LARGE1: variants seen among roughly 807,000 people sequenced by gnomAD.
LARGE1 encodes the protein LARGE xylosyl- and glucuronyltransferase 1.
LARGE1 carries 43 observed loss-of-function variants against 87.6 expected under a neutral mutation model. That is an observed-to-expected ratio of 0.49 (90% confidence interval 0.38 to 0.63). LARGE1 has a LOEUF of 0.63. Among genes scored for constraint, LARGE1 ranks in the 30% least tolerant of loss-of-function variants. The probability of loss-of-function intolerance (pLI) is 0.00; values close to 1 mark genes in which losing one functional copy is unlikely to be tolerated. For synonymous variants in LARGE1, 434 were observed against 394.6 expected (o/e 1.10, Z -1.18); for missense variants, 802 against 1,000.2 (o/e 0.80, Z 2.67).
At chr22:33,496,120 C>T (rs550955991) in intron 6 of LARGE1, among the ~76,000 whole-genome samples, 32 of 152,296 alleles carry the variant, frequency 2.1e-4, no homozygotes, top group African/African-American at 6.5e-4. Context: ...GGGCAGGAAG[C>T]ATCCAGCATA....
In LARGE1 at chr22:33,613,554, G is replaced by A. The variant is rs557599009; in HGVS notation, c.492-8996C>T. Among the ~76,000 whole-genome samples the A allele has an allele frequency of 2.0e-4, 30 of 152,186 alleles. No individual in the cohort carries two copies. The East Asian group carries it at 4.7e-3, about 24-fold the overall frequency. ...TTTGCCCAGGCTGGAGTGCAATGGC[G>A]CGATCTTGGCTCACCACAACCTCCG... On this transcript the variant is annotated intron_variant, in intron 4 of 14. Transcript: ENST00000397394.
intron 6 of LARGE1, among the ~76,000 whole-genome samples, chr22:33,438,956 A>T (rs773073957): frequency 5.9e-5 from 9 of 152,136 alleles, no homozygotes; most frequent in Non-Finnish European, 8.8e-5. Context: ...CACACCTGTA[A>T]TCCCAGCACT....
chr22:33,809,885 A>G (rs1271910851), intron 1 of LARGE1, among the ~76,000 whole-genome samples: 2 of 152,146 alleles, frequency 1.3e-5, no homozygotes, highest in Non-Finnish European at 2.9e-5. Flanking sequence ...TTGTGTTAAA[A>G]AAAAAAACAA....
At chr22:33,730,842 G>A (rs537789059) in intron 2 of LARGE1, among the ~76,000 whole-genome samples, 11 of 151,372 alleles carry the variant, frequency 7.3e-5, no homozygotes, top group Admixed American at 2.0e-4. Context: ...ACAGGCATGC[G>A]CCACCACACC....
chr22:33,330,010 CA>C (rs201941090), intron 10 of LARGE1, among the ~76,000 whole-genome samples: 10 of 146,982 alleles, frequency 6.8e-5, no homozygotes, highest in East Asian at 1.9e-4. Context: ...AACAGAACAA[CA>C]AAAAAAAACC....
intron 9 of LARGE1, among the ~76,000 whole-genome samples, chr22:33,371,812 G>A (rs969961316): frequency 2.0e-5 from 3 of 151,894 alleles, no homozygotes; most frequent in Admixed American, 1.3e-4. Flanking sequence ...GTGAAACCTC[G>A]TCTCCACTAA....
chr22:33,503,870 C>A (rs980633025), intron 6 of LARGE1, among the ~76,000 whole-genome samples: 1 of 152,090 alleles, frequency 6.6e-6, no homozygotes, highest in Admixed American at 6.6e-5. Flanking sequence ...GAACAACCTA[C>A]CTAAATGTCA....
At chr22:33,707,432 C>T (rs1423616984) in intron 2 of LARGE1, among the ~76,000 whole-genome samples, 3 of 152,236 alleles carry the variant, frequency 2.0e-5, no homozygotes, top group African/African-American at 7.2e-5. Context: ...AAGGTGTTAA[C>T]AGCTGGAAGT....
chr22:33,797,869 G>C (rs1019987244), intron 1 of LARGE1, among the ~76,000 whole-genome samples: 1 of 152,088 alleles, frequency 6.6e-6, no homozygotes, highest in Admixed American at 6.5e-5. Flanking sequence ...ATCCCTCCTC[G>C]CCTCACTCCC....
chr22:33,587,850 C>T (rs2078721714), intron 5 of LARGE1, among the ~76,000 whole-genome samples: 1 of 151,946 alleles, frequency 6.6e-6, no homozygotes, highest in Non-Finnish European at 1.5e-5. Context: ...TTCAAGCTTT[C>T]AATCAATACA....
At chr22:33,203,500 C>T (rs1220774162) in intron 11 of LARGE1, among the ~76,000 whole-genome samples, 1 of 152,076 alleles carries the variant, frequency 6.6e-6, no homozygotes, top group Non-Finnish European at 1.5e-5. Context: ...CCCAGGTGTG[C>T]CCACAATATC....
At chr22:33,755,121 T>A (rs1392936381) in intron 2 of LARGE1, among the ~76,000 whole-genome samples, 1 of 152,224 alleles carries the variant, frequency 6.6e-6, no homozygotes, top group African/African-American at 2.4e-5. Context: ...CGGAACCGTA[T>A]TTTTTTCTGT....
chr22:33,119,721 C>T, the LARGE1 span, among the ~76,000 whole-genome samples: 1 of 152,180 alleles, frequency 6.6e-6, no homozygotes, highest in Non-Finnish European at 1.5e-5. Flanking sequence ...GGCAACCACC[C>T]TGAGGGGTCT....
chr22:33,249,384 G>T (rs1053142213), intron 11 of LARGE1, among the ~76,000 whole-genome samples: 15 of 152,118 alleles, frequency 9.9e-5, no homozygotes, highest in African/African-American at 3.4e-4. Context: ...TACTAAGCTG[G>T]TTGCTTTTTT....
At chr22:33,476,726 G>GGT (rs397708333) in intron 6 of LARGE1, among the ~76,000 whole-genome samples, 18 of 151,436 alleles carry the variant, frequency 1.2e-4, no homozygotes, top group African/African-American at 4.4e-4. Flanking sequence ...AGAATACTAG[G>GGT]TATTAACTAC....
intron 11 of LARGE1, among the ~76,000 whole-genome samples, chr22:33,183,626 A>ACG (rs1389303871): frequency 2.3e-4 from 28 of 124,372 alleles, no homozygotes; most frequent in Non-Finnish European, 3.6e-4. Context: ...ACACGCACAC[A>ACG]CACACACACA....
chr22:33,700,642 G>C (rs1347502195), intron 2 of LARGE1, among the ~76,000 whole-genome samples: 6 of 152,274 alleles, frequency 3.9e-5, no homozygotes, highest in South Asian at 4.1e-4. Flanking sequence ...TTGATGGAGA[G>C]GCACAGTCCC....
chr22:33,359,259 G>C (rs1375645681), intron 9 of LARGE1, among the ~76,000 whole-genome samples: 2 of 152,174 alleles, frequency 1.3e-5, no homozygotes, highest in Non-Finnish European at 2.9e-5. Flanking sequence ...GAATCAGACA[G>C]ATGTGAGTTG....
intron 11 of LARGE1, among the ~76,000 whole-genome samples, chr22:33,311,888 A>G (rs1935635394): frequency 1.3e-5 from 2 of 152,162 alleles, no homozygotes; most frequent in Non-Finnish European, 2.9e-5. Context: ...GAAGGAGGAA[A>G]CGGAAACCCA....
Sources: allele counts gnomAD v4.1 joint callset (sites outside exome capture counted in the v4.1 genomes callset), GRCh38; gene constraint gnomAD v4.1.1; transcripts MANE v1.5; gene names NCBI Gene and HGNC (gene_info 2026-07-23, HGNC 2026-07-21).